The following CYP17A1 variants were observed in gnomAD, a reference collection of about 807,000 sequenced individuals.
CYP17A1 encodes steroid 17-alpha-hydroxylase/17,20 lyase.
CYP17A1 carries 27 observed loss-of-function variants against 38.5 expected under a neutral mutation model. That is an observed-to-expected ratio of 0.70 (90% CI 0.52 to 0.97). CYP17A1 has a LOEUF of 0.97. Among genes scored for constraint, CYP17A1 ranks in the 50% least tolerant of loss-of-function variants. The probability of loss-of-function intolerance (pLI) is 0.00; values close to 1 mark genes in which losing one functional copy is unlikely to be tolerated. For synonymous variants in CYP17A1, 263 were observed against 253.3 expected (o/e 1.04, Z -0.36); for missense variants, 549 against 645.9 (o/e 0.85, Z 1.63).
intron 6 of CYP17A1, among the ~76,000 whole-genome samples, chr10:102,832,126 T>C (rs1298544185): frequency 3.3e-5 from 5 of 152,028 alleles, no homozygotes; most frequent in Non-Finnish European, 7.4e-5. Flanking sequence ...CAGGCTGGAG[T>C]GCAGTGGTGC....
rs754208544 is a variant in CYP17A1, at chr10:102,833,098, T to C, written c.864A>G (p.Ser288=). The change falls in exon 5 of 8, where the codon TCA becomes TCG. Residue 288 remains serine, a synonymous_variant. Coordinates refer to ENST00000369887, the MANE Select transcript of CYP17A1 (RefSeq NM_000102.4). ...AGPDQDSELL[S]DNHILTTIGD... ...CTATGGTGGTGAGAATGTGGTTATC[T>C]GAAAGCAGCTCTGAGTCTTGATCTG... 1.2e-6 allele frequency: 2 copies of C among 1,614,182 alleles called. No individual in the cohort carries two copies. The highest frequency in any genetic ancestry group is 1.1e-5 in the South Asian group (1 of 91,074).
chr10:102,834,179 G>A, intron 3 of CYP17A1, 57 bp from the exon 4 acceptor site: 1 of 832,130 alleles, frequency 1.2e-6, no homozygotes, highest in Non-Finnish European at 2.1e-6. Context: ...TTCTCCAGCT[G>A]CCAGAGTCTC....
chr10:102,837,077 C>G lies in CYP17A1; in HGVS notation c.285G>C (p.Gly95=). Residue 95 remains glycine, a synonymous_variant, in exon 1 of 8, where the codon GGG becomes GGC. Coordinates refer to ENST00000369887, the MANE Select transcript of CYP17A1 (RefSeq NM_000102.4). ...GGGCACCACTTACCATTTGAGGCCGCCCAGAGAAGTCCTTGCCCTTCTTAA... is the reference window on the plus strand; with the variant it reads ...GGGCACCACTTACCATTTGAGGCCGGCCAGAGAAGTCCTTGCCCTTCTTAA... ...VLIKKGKDFS[G]RPQMATLDIA... 6.2e-7 allele frequency: 1 copy of G among 1,600,462 alleles called. No individual in the cohort carries two copies. Among genetic ancestry groups the G allele is most frequent in the Non-Finnish European group, 8.6e-7 (1 of 1,168,050 alleles).
chr10:102,832,732 G>A, intron 5 of CYP17A1, 52 bp from the exon 6 acceptor site: 2 of 1,313,136 alleles, frequency 1.5e-6, no homozygotes, highest in South Asian at 2.4e-5. Context: ...CCCAGGAGAA[G>A]CAAGGGCTTA....
chr10:102,836,455 CAAAAAAAA>C (rs71019622), intron 1 of CYP17A1, among the ~76,000 whole-genome samples: 21 of 62,590 alleles, frequency 3.4e-4, no homozygotes, highest in African/African-American at 6.3e-4. Context: ...GACTCTGTCT[CAAAAAAAA>C]AAAAAAAAAA....
Position 102,837,382 on chromosome 10 carries a change from C to CA in CYP17A1, c.-22dup. 2 of 1,537,260 alleles carry CA rather than the reference C, an allele frequency of 1.3e-6. No homozygotes were observed. Among genetic ancestry groups the CA allele is most frequent in the Non-Finnish European group, 1.8e-6 (2 of 1,110,290 alleles). On this transcript the variant is annotated 5_prime_UTR_variant, in exon 1 of 8. Coordinates refer to ENST00000369887, the MANE Select transcript of CYP17A1 (RefSeq NM_000102.4). ...CACATGGTGGCTGGGTGCCGGCAGG[C>CA]AAGATAGACAGCAGTGGAGTAGAAG...
In CYP17A1 at chr10:102,834,111, G is replaced by T. The variant is rs765590239; in HGVS notation, c.678C>A (p.Asn226Lys). 1 of 1,271,056 alleles carries T rather than the reference G, an allele frequency of 7.9e-7. No homozygotes were observed. The highest frequency in any genetic ancestry group is 1.2e-6 in the Non-Finnish European group (1 of 866,552). 78.7% of individuals were successfully genotyped at this position (1,271,056 alleles called of 1,614,324 possible). ...GGCTCTTTAATTTTTCCAGGGTTTT[G>T]TTGGGGAAAATCTGGGAAATAAAAA... Reference protein sequence around the residue: ...DLVPWLKIFPNKTLEKLKSHV... With the variant: ...DLVPWLKIFPKKTLEKLKSHV... The change falls in exon 4 of 8, where the codon AAC becomes AAA. Residue 226 changes from asparagine (N) to lysine (K), a missense_variant. Physicochemically the swap from Asn to Lys is moderately conservative, Grantham distance 94. Transcript: ENST00000369887.
intron 1 of CYP17A1, among the ~76,000 whole-genome samples, chr10:102,835,979 GC>G (rs1047075839): frequency 4.6e-5 from 7 of 152,132 alleles, no homozygotes; most frequent in Admixed American, 1.3e-4. Flanking sequence ...TCCTAGAGGT[GC>G]CCCCCAAAGC....
Position 102,834,875 on chromosome 10 carries a change from G to T in CYP17A1, c.576C>A (p.Asp192Glu), listed in dbSNP as rs375364403. 1.7e-5 allele frequency: 28 copies of T among 1,613,898 alleles called. No homozygotes were observed. The highest frequency in any genetic ancestry group is 2.4e-5 in the Non-Finnish European group (28 of 1,180,014). The part of the protein sequence containing the change: ...ICFNTSYKNG[D>E]PELNVIQNYN... ...AATTCTGTATGACATTCAACTCAGG[G>T]TCCCCATTCTTGTAGGAGGTATTGA... Residue 192 changes from aspartate (D) to glutamate (E), a missense_variant, in exon 3 of 8, where the codon GAC becomes GAA. Asp to Glu is a conservative substitution (Grantham distance 45). This residue lies in a region of CYP17A1 where 289 missense variants were observed against 320.9 expected (regional missense o/e 0.90). Transcript: ENST00000369887.
rs61754280 is a variant in CYP17A1 at position 102,830,652 on chromosome 10, T to A, written c.*50A>T. ...AAGGGTGGGGGGTTGTATCTCTAAA[T>A]CTGTGTTGTGGGGCCACATAGGGTG... On this transcript the variant is annotated 3_prime_UTR_variant, in exon 8 of 8. Coordinates refer to ENST00000369887, the MANE Select transcript of CYP17A1 (RefSeq NM_000102.4). The surrounding 1 kb of genome is among the most constrained non-coding windows in gnomAD (Gnocchi z 4.1). The A allele has an allele frequency of 1.3e-4, 136 of 1,056,754 alleles. No individual in the cohort carries two copies. In the African/African-American group the frequency reaches 1.8e-3, roughly 14 times the overall value. The allele number at this position is 1,056,754 out of a possible 1,614,324, so 65.5% of individuals were successfully genotyped here.
chr10:102,831,120 C>A lies in CYP17A1; in HGVS notation c.1244-135G>T, dbSNP rs1300712253. On this transcript the variant is annotated intron_variant, in intron 7 of 7. Transcript: ENST00000369887. ...AGGATGTAGCCTTATTATGGGGGAA[C>A]CCCCGCCTGGGGAGAGATACAGCCC... 12 of 703,296 alleles carry A rather than the reference C, an allele frequency of 1.7e-5. No homozygotes were observed. The African/African-American group carries it at 1.8e-4, about 11-fold the overall frequency. The allele number at this position is 703,296 out of a possible 1,614,324, so 43.6% of individuals were successfully genotyped here.
rs61356040 is a variant in CYP17A1, at chr10:102,834,199, C to T, written c.667-77G>A. 323 of 772,098 alleles carry T rather than the reference C, an allele frequency of 4.2e-4. 1 individual carries two copies. Among genetic ancestry groups the T allele is most frequent in the Non-Finnish European group, 6.5e-4 (280 of 430,644 alleles). The allele number at this position is 772,098 out of a possible 1,614,324, so 47.8% of individuals were successfully genotyped here. A position where few individuals can be genotyped will look rare whatever the true frequency, so the allele number is the denominator to read the frequency against. ...CAGCTGCCAGAGTCTCTCCTGGAGG[C>T]GGATCTTAGCTTTCTGTCTCTGGAA... is the stretch of plus-strand genomic sequence containing the variant. On this transcript the variant is annotated intron_variant, in intron 3 of 7. Coordinates refer to ENST00000369887, the MANE Select transcript of CYP17A1 (RefSeq NM_000102.4).
rs1564777166 is a variant in CYP17A1, at chr10:102,830,632, T to TG, written c.*69dup. ...AGTAGGGAAGAATGGCGGAGAAGGGTGGGGGGTTGTATCTCTAAATCTGTG... is the reference window on the plus strand; with the variant it reads ...AGTAGGGAAGAATGGCGGAGAAGGGTGGGGGGGTTGTATCTCTAAATCTGTG... On this transcript the variant is annotated 3_prime_UTR_variant, in exon 8 of 8. Coordinates refer to ENST00000369887, the MANE Select transcript of CYP17A1 (RefSeq NM_000102.4). This position sits in a 1 kb window ranked among gnomAD's most constrained non-coding sequence, Gnocchi z 4.1. 8.3e-6 allele frequency: 7 copies of TG among 841,656 alleles called. No homozygotes were observed. The highest frequency in any genetic ancestry group is 1.2e-5 in the Non-Finnish European group (6 of 505,706). 52.1% of individuals were successfully genotyped at this position (841,656 alleles called of 1,614,324 possible).
At chr10:102,831,924 C>T (rs1220407589) in intron 6 of CYP17A1, among the ~76,000 whole-genome samples, 1 of 152,144 alleles carries the variant, frequency 6.6e-6, no homozygotes. Flanking sequence ...CATGGAGCTC[C>T]CAGCCTTTCA....
chr10:102,834,656 T>G, intron 3 of CYP17A1, 129 bp downstream of exon 3: 1 of 1,284,742 alleles, frequency 7.8e-7, no homozygotes, highest in Non-Finnish European at 1.1e-6. Flanking sequence ...GCAGAGGAGG[T>G]AGAGGTGGCG....
At chr10:102,833,558 G>T in intron 4 of CYP17A1, 1 of 317,096 alleles carries the variant, frequency 3.2e-6, no homozygotes, top group Non-Finnish European at 6.0e-6. Flanking sequence ...TCGGGTTCAA[G>T]TGAGTCTCCT....
In CYP17A1 at chr10:102,835,396, T is replaced by A. The variant is rs1467545241; in HGVS notation, c.298-4A>T. 3 of 1,611,136 alleles carry A rather than the reference T, an allele frequency of 1.9e-6. No homozygotes were observed. Among genetic ancestry groups the A allele is most frequent in the Non-Finnish European group, 2.5e-6 (3 of 1,177,328 alleles). On this transcript the variant is annotated splice_polypyrimidine_tract_variant and splice_region_variant and intron_variant, in intron 1 of 7. Coordinates refer to ENST00000369887, the MANE Select transcript of CYP17A1 (RefSeq NM_000102.4). ...TGGACGCGATGTCTAGAGTTGCCTT[T>A]AGAGAGCAGGCAAGGCTGTAGGAAT...
In CYP17A1 at chr10:102,834,106, G is replaced by T; in HGVS notation, c.683C>A (p.Thr228Asn). The T allele has an allele frequency of 1.6e-6, 2 of 1,285,890 alleles. No individual in the cohort carries two copies. The highest frequency in any genetic ancestry group is 2.3e-6 in the Non-Finnish European group (2 of 880,242). The allele number at this position is 1,285,890 out of a possible 1,614,324, so 79.7% of individuals were successfully genotyped here. ...AACATGGCTCTTTAATTTTTCCAGG[G>T]TTTTGTTGGGGAAAATCTGGGAAAT... Reference protein sequence around the residue: ...VPWLKIFPNKTLEKLKSHVKI... With the variant: ...VPWLKIFPNKNLEKLKSHVKI... Residue 228 changes from threonine (T) to asparagine (N), a missense_variant, in exon 4 of 8, where the codon ACC becomes AAC. Thr to Asn is a moderately conservative substitution (Grantham distance 65). This residue lies in a region of CYP17A1 where 289 missense variants were observed against 320.9 expected (regional missense o/e 0.90). Transcript: ENST00000369887.
chr10:102,833,473 TTG>T, intron 4 of CYP17A1: 4 of 488,780 alleles, frequency 8.2e-6, no homozygotes, highest in East Asian at 4.7e-5. Context: ...TTTTTTTTTT[TTG>T]AGACAGAATC....
Sources: allele counts gnomAD v4.1 joint callset (sites outside exome capture counted in the v4.1 genomes callset), GRCh38; gene constraint gnomAD v4.1.1; regional missense constraint gnomAD v4.1.1; non-coding constraint Gnocchi (gnomAD v3.1); transcripts MANE v1.5; gene names NCBI Gene and HGNC (gene_info 2026-07-23, HGNC 2026-07-21).